Variants in ZBTB20 observed in about 807,000 individuals in gnomAD.
ZBTB20 encodes zinc finger and BTB domain-containing protein 20.
In ZBTB20, 9 loss-of-function variants were observed where a neutral mutation model predicts 56.9. The observed-to-expected ratio is 0.16, with a 90% CI of 0.10 to 0.28. The LOEUF (loss-of-function observed/expected upper bound fraction) is 0.28, where lower values mean the gene tolerates loss of function less well. ZBTB20 is among the 10% of genes least tolerant of loss of function. The pLI, the probability that ZBTB20 is intolerant of heterozygous loss-of-function variation, is 1.00. For missense variants in ZBTB20, 655 were observed against 1,003.0 expected (o/e 0.65, Z 4.69); for synonymous variants, 417 against 420.7 (o/e 0.99, Z 0.11).
At chr3:114,873,391 T>A (rs2076077838) in intron 4 of ZBTB20, among the ~76,000 whole-genome samples, 1 of 152,196 alleles carries the variant, frequency 6.6e-6, no homozygotes, top group Non-Finnish European at 1.5e-5. Context: ...AAACTGGTCA[T>A]ATTTAGTTAG....
chr3:114,532,299 G>T (rs2047939618), intron 6 of ZBTB20, among the ~76,000 whole-genome samples: 2 of 152,138 alleles, frequency 1.3e-5, no homozygotes, highest in African/African-American at 2.4e-5. Flanking sequence ...AAGCTTGGTG[G>T]GGGGAGGGGT....
At chr3:114,866,819 C>A (rs1160861471) in intron 4 of ZBTB20, among the ~76,000 whole-genome samples, 1 of 152,146 alleles carries the variant, frequency 6.6e-6, no homozygotes. Context: ...TTTCCCAGGT[C>A]TCAAGCCTTT....
chr3:114,433,765 G>T (rs1271840271), intron 7 of ZBTB20, among the ~76,000 whole-genome samples: 2 of 152,144 alleles, frequency 1.3e-5, no homozygotes, highest in Non-Finnish European at 2.9e-5. Flanking sequence ...TGCCACAGGA[G>T]ACATACAAAT....
At chr3:114,434,479 T>C (rs892173230) in intron 7 of ZBTB20, among the ~76,000 whole-genome samples, 1 of 151,758 alleles carries the variant, frequency 6.6e-6, no homozygotes, top group Non-Finnish European at 1.5e-5. Context: ...ATCTTTTTCA[T>C]TTTGTATTCC....
At chr3:114,427,239 A>C (rs924850352) in intron 7 of ZBTB20, among the ~76,000 whole-genome samples, 4 of 152,244 alleles carry the variant, frequency 2.6e-5, no homozygotes, top group Non-Finnish European at 5.9e-5. Context: ...TATTCATAAA[A>C]CTATATTTTT....
intron 1 of ZBTB20, among the ~76,000 whole-genome samples, chr3:115,133,571 CCTTT>C (rs1161685759): frequency 6.6e-6 from 1 of 152,146 alleles, no homozygotes; most frequent in East Asian, 1.9e-4. Context: ...CCACTAATCT[CCTTT>C]CTGTTTCCAC....
rs371222455 is a variant in ZBTB20, at chr3:115,092,466, G to T, written c.-702-21052C>A. The stretch of plus-strand genomic sequence containing the variant: ...CCAACATTAACACTGGCCTAAAGAG[G>T]AGTATTTTGCATTTCATGAATATTA... On this transcript the variant is annotated intron_variant, in intron 1 of 11. Transcript: ENST00000675478. Among the ~76,000 whole-genome samples, 141 of 152,142 alleles carry T rather than the reference G, an allele frequency of 9.3e-4. 1 individual carries two copies. The South Asian group carries it at 0.025, about 28-fold the overall frequency.
At chr3:114,837,284 T>C (rs1384369156) in intron 4 of ZBTB20, among the ~76,000 whole-genome samples, 1 of 152,226 alleles carries the variant, frequency 6.6e-6, no homozygotes, top group East Asian at 1.9e-4. Context: ...CATGTACCTG[T>C]ATGTTCATAA....
At chr3:114,722,594 T>C (rs1289397920) in intron 5 of ZBTB20, among the ~76,000 whole-genome samples, 1 of 152,188 alleles carries the variant, frequency 6.6e-6, no homozygotes, top group Non-Finnish European at 1.5e-5. Flanking sequence ...GTGGGATACA[T>C]ATTAAAGAAA....
In ZBTB20 at chr3:115,121,157, C is replaced by T. The variant is rs2084171907; in HGVS notation, c.-703+26062G>A. Among the ~76,000 whole-genome samples the T allele has an allele frequency of 2.6e-5, 4 of 151,982 alleles. No homozygotes were observed. The South Asian group carries it at 8.3e-4, about 31-fold the overall frequency. On this transcript the variant is annotated intron_variant, in intron 1 of 11. Coordinates refer to ENST00000675478, the MANE Select transcript of ZBTB20 (RefSeq NM_001348800.3). The stretch of plus-strand genomic sequence containing the variant: ...TTTTATAAACTGTGCCTAAAATTTC[C>T]TGAGTTCAAATCTGATTATAAATGG...
intron 6 of ZBTB20, among the ~76,000 whole-genome samples, chr3:114,573,905 A>AAGGCAAT (rs1230485759): frequency 1.3e-5 from 2 of 152,184 alleles, no homozygotes; most frequent in Non-Finnish European, 2.9e-5. Flanking sequence ...GTTCAATAAA[A>AAGGCAAT]AGGCAATAGA....
rs534555597 is a variant in ZBTB20, at chr3:115,118,767, A to C, written c.-703+28452T>G. Among the ~76,000 whole-genome samples the C allele has an allele frequency of 2.0e-3, 223 of 113,966 alleles. 1 individual carries two copies. The highest frequency in any genetic ancestry group is 2.6e-3 in the Non-Finnish European group (157 of 61,498). 74.8% of individuals were successfully genotyped at this position (113,966 alleles called of 152,430 possible). On this transcript the variant is annotated intron_variant, in intron 1 of 11. Transcript: ENST00000675478. ...AGTCTCGCTCTGTCGCCCAGGCTGG[A>C]TGGAGTGCAGTGGCGCGATCTCCAC...
chr3:114,852,907 G>C (rs567783708), intron 4 of ZBTB20, among the ~76,000 whole-genome samples: 1 of 152,228 alleles, frequency 6.6e-6, no homozygotes, highest in Admixed American at 6.5e-5. Context: ...ACTCGACCGT[G>C]CACATTGTTC....
At chr3:115,042,237 G>A (rs952023151) in intron 2 of ZBTB20, among the ~76,000 whole-genome samples, 2 of 152,196 alleles carry the variant, frequency 1.3e-5, no homozygotes, top group Non-Finnish European at 2.9e-5. Flanking sequence ...TCAATTTAGT[G>A]TTCCAACTAC....
chr3:115,047,205 T>C (rs1431979578), intron 2 of ZBTB20, among the ~76,000 whole-genome samples: 1 of 152,220 alleles, frequency 6.6e-6, no homozygotes, highest in Admixed American at 6.5e-5. Context: ...ATGAAGTCTT[T>C]GTAGTTTTGA....
chr3:114,827,268 A>G (rs2073580763), intron 4 of ZBTB20, among the ~76,000 whole-genome samples: 1 of 151,644 alleles, frequency 6.6e-6, no homozygotes, highest in Non-Finnish European at 1.5e-5. Context: ...TTTGACCTCT[A>G]CTGGAAATCT....
intron 4 of ZBTB20, among the ~76,000 whole-genome samples, chr3:114,816,404 G>C (rs2072922024): frequency 6.6e-6 from 1 of 152,112 alleles, no homozygotes; most frequent in South Asian, 2.1e-4. Context: ...GAAGCTGTAA[G>C]TATTATCTAA....
At chr3:114,887,965 T>C (rs2076662068) in intron 4 of ZBTB20, among the ~76,000 whole-genome samples, 1 of 151,966 alleles carries the variant, frequency 6.6e-6, no homozygotes, top group Admixed American at 6.6e-5. Flanking sequence ...TCAAACGAAA[T>C]GTACTGCCCT....
intron 6 of ZBTB20, among the ~76,000 whole-genome samples, chr3:114,607,117 T>C (rs1236541890): frequency 6.8e-6 from 1 of 147,220 alleles, no homozygotes; most frequent in Non-Finnish European, 1.5e-5. Context: ...AATAAATAAA[T>C]AAATGAATAA....
Sources: allele counts gnomAD v4.1 joint callset (sites outside exome capture counted in the v4.1 genomes callset), GRCh38; gene constraint gnomAD v4.1.1; transcripts MANE v1.5; gene names NCBI Gene and HGNC (gene_info 2026-07-23, HGNC 2026-07-21).